The following AGO4 variants were observed in gnomAD, a reference collection of about 807,000 sequenced individuals.
AGO4 encodes protein argonaute-4.
A neutral mutation model predicts 104.7 loss-of-function variants in AGO4; 33 were observed. That is an observed-to-expected ratio of 0.32 (90% CI 0.24 to 0.42). The LOEUF (loss-of-function observed/expected upper bound fraction) is 0.42, where lower values mean the gene tolerates loss of function less well. AGO4 is among the 10% of genes least tolerant of loss of function. The probability of loss-of-function intolerance (pLI) is 1.00; values close to 1 mark genes in which losing one functional copy is unlikely to be tolerated. For missense variants in AGO4, 711 were observed against 1,083.4 expected, an observed-to-expected ratio of 0.66 and a Z score of 4.83; for synonymous variants, 331 against 364.7, an observed-to-expected ratio of 0.91 and a Z score of 1.05.
chr1:35,835,771 C>T, intron 12 of AGO4, 63 bp from the exon 13 acceptor site: 10 of 1,406,344 alleles, frequency 7.1e-6, no homozygotes, highest in Admixed American at 5.0e-5. Flanking sequence ...GGTTTTTTTC[C>T]TTCTGCTTTT....
chr1:35,834,239 G>A, intron 12 of AGO4, 65 bp downstream of exon 12: 2 of 1,309,416 alleles, frequency 1.5e-6, no homozygotes, highest in Non-Finnish European at 2.0e-6. Flanking sequence ...GTCAGGATAA[G>A]CTAGGTTATG....
Position 35,808,445 on chromosome 1 carries a change from G to A in AGO4, c.19+10G>A. ...GAGGCGCTGGGACCCGGTGAGGAGC[G>A]AGCTCGGGTCGGGGCGGGACCCGGG... On this transcript the variant is annotated intron_variant, in intron 1 of 17. Coordinates refer to ENST00000373210, the MANE Select transcript of AGO4 (RefSeq NM_017629.4). The surrounding 1 kb of genome is among the most constrained non-coding windows in gnomAD (Gnocchi z 5.2). 1 of 1,177,804 alleles carries A rather than the reference G, an allele frequency of 8.5e-7. No homozygotes were observed. The highest frequency in any genetic ancestry group is 1.0e-6 in the Non-Finnish European group (1 of 953,166). 73.0% of individuals were successfully genotyped at this position (1,177,804 alleles called of 1,614,324 possible). A position where few individuals can be genotyped will look rare whatever the true frequency, so the allele number is the denominator to read the frequency against.
intron 2 of AGO4, among the ~76,000 whole-genome samples, chr1:35,821,603 A>G (rs1247791579): frequency 6.6e-6 from 1 of 152,228 alleles, no homozygotes; most frequent in Non-Finnish European, 1.5e-5. Flanking sequence ...AAAGTTCTGC[A>G]TGCTTGATTG....
intron 7 of AGO4, among the ~76,000 whole-genome samples, chr1:35,829,238 C>T (rs1644116146): frequency 6.6e-6 from 1 of 150,378 alleles, no homozygotes; most frequent in African/African-American, 2.5e-5. Context: ...GTACACACTA[C>T]ATGAATTTCT....
intron 15 of AGO4, 96 bp from the exon 16 acceptor site, chr1:35,850,061 T>A (rs1644663418): frequency 1.6e-5 from 12 of 741,144 alleles, no homozygotes; most frequent in Non-Finnish European, 2.5e-5. Context: ...TAAGAGACAT[T>A]TACCAACTTG....
At chr1:35,837,540 C>T (rs559995753) in intron 13 of AGO4, among the ~76,000 whole-genome samples, 15 of 151,974 alleles carry the variant, frequency 9.9e-5, no homozygotes, top group East Asian at 9.7e-4. Flanking sequence ...CCACCATGCT[C>T]GGCTAATGTT....
chr1:35,837,432 G>A (rs1463980327), intron 13 of AGO4, among the ~76,000 whole-genome samples: 1 of 151,394 alleles, frequency 6.6e-6, no homozygotes, highest in Non-Finnish European at 1.5e-5. Flanking sequence ...AGGCTGGAGT[G>A]CAGTGATGTG....
At chr1:35,846,165 C>T (rs1644567930) in intron 15 of AGO4, among the ~76,000 whole-genome samples, 1 of 152,204 alleles carries the variant, frequency 6.6e-6, no homozygotes, top group Non-Finnish European at 1.5e-5. Flanking sequence ...TTATCCCCAT[C>T]CAAAACCTAT....
intron 7 of AGO4, among the ~76,000 whole-genome samples, chr1:35,829,553 G>A (rs1193193633): frequency 1.3e-5 from 2 of 152,030 alleles, no homozygotes; most frequent in Non-Finnish European, 2.9e-5. Context: ...GAAGATTAAC[G>A]GGCTGGGCGT....
chr1:35,847,426 G>GT (rs1197386623), intron 15 of AGO4, among the ~76,000 whole-genome samples: 1 of 152,032 alleles, frequency 6.6e-6, no homozygotes, highest in Non-Finnish European at 1.5e-5. Context: ...TAGAGATGGA[G>GT]TTTCACCATG....
rs1050489810 is a variant in AGO4 at position 35,810,298 on chromosome 1, T to G, written c.19+1863T>G. ...ATAGAATCAGAGCAAAGGGAGTTGA[T>G]CGTCTTGTGGGATGATTCATCCAGG... On this transcript the variant is annotated intron_variant, in intron 1 of 17. Coordinates refer to ENST00000373210, the MANE Select transcript of AGO4 (RefSeq NM_017629.4). Among the ~76,000 whole-genome samples, 3 of 152,142 alleles carry G rather than the reference T, an allele frequency of 2.0e-5. No homozygotes were observed. The East Asian group carries it at 5.8e-4, about 29-fold the overall frequency.
chr1:35,853,673 C>G lies in AGO4; in HGVS notation c.*68C>G. ...GCCTCAAAATGTTTCAAATGCCTAC[C>G]GCCTCTAGATCGAGCCACGTTGACT... On this transcript the variant is annotated 3_prime_UTR_variant, in exon 18 of 18. Transcript: ENST00000373210. 5 of 1,395,870 alleles carry G rather than the reference C, an allele frequency of 3.6e-6. No homozygotes were observed. The South Asian group carries it at 6.0e-5, about 17-fold the overall frequency. The allele number at this position is 1,395,870 out of a possible 1,614,324, so 86.5% of individuals were successfully genotyped here.
chr1:35,823,642 G>T (rs1643936998), intron 3 of AGO4, among the ~76,000 whole-genome samples: 1 of 151,126 alleles, frequency 6.6e-6, no homozygotes, highest in South Asian at 2.1e-4. Flanking sequence ...TGTTGGCCAG[G>T]CTGGTCTCGA....
Position 35,835,877 on chromosome 1 carries a change from A to G in AGO4, c.1608A>G (p.Thr536=). The G allele has an allele frequency of 6.2e-7, 1 of 1,614,040 alleles. No homozygotes were observed. The highest frequency in any genetic ancestry group is 8.5e-7 in the Non-Finnish European group (1 of 1,179,972). The part of the protein sequence containing the change: ...RVGDTLLGMA[T]QCVQVKNVVK... ...GAGATACCCTTCTAGGTATGGCCAC[A>G]CAGTGTGTCCAGGTAAAAAATGTAG... The change falls in exon 13 of 18, where the codon ACA becomes ACG. Residue 536 remains threonine, a synonymous_variant. Transcript: ENST00000373210.
chr1:35,851,186 G>A, intron 17 of AGO4, 133 bp downstream of exon 17: 1 of 855,258 alleles, frequency 1.2e-6, no homozygotes, highest in Non-Finnish European at 1.8e-6. Flanking sequence ...AAAATTGCAT[G>A]TGCCTCTGAG....
intron 2 of AGO4, among the ~76,000 whole-genome samples, chr1:35,821,700 A>G (rs184864679): frequency 7.9e-5 from 12 of 152,304 alleles, no homozygotes; most frequent in African/African-American, 2.9e-4. Context: ...CCTTGTCTAC[A>G]CTGCTTGGAA....
chr1:35,828,989 T>C (rs1325000979), intron 7 of AGO4, among the ~76,000 whole-genome samples: 1 of 152,120 alleles, frequency 6.6e-6, no homozygotes, highest in Non-Finnish European at 1.5e-5. Context: ...AGTATACACT[T>C]TACTACATTT....
chr1:35,844,313 G>C (rs189793142), intron 15 of AGO4, among the ~76,000 whole-genome samples: 59 of 152,288 alleles, frequency 3.9e-4, no homozygotes, highest in Non-Finnish European at 7.8e-4. Flanking sequence ...CAAAGTTCTA[G>C]GATTACAGGC....
chr1:35,823,150 A>G (rs1230254636), intron 3 of AGO4, among the ~76,000 whole-genome samples, 168 bp downstream of exon 3: 1 of 152,232 alleles, frequency 6.6e-6, no homozygotes, highest in Non-Finnish European at 1.5e-5. Flanking sequence ...TCAAAATATC[A>G]CATGTACCCC....
Sources: gnomAD v4.1 joint callset for allele counts (sites outside exome capture counted in the v4.1 genomes callset) on GRCh38, gnomAD v4.1.1 for gene constraint, Gnocchi (gnomAD v3.1) non-coding constraint, MANE v1.5 for transcripts, NCBI Gene and HGNC (gene_info 2026-07-23, HGNC 2026-07-21) for gene names.